Variants in HIP1 observed in about 807,000 individuals in gnomAD.
HIP1 encodes huntingtin interacting protein 1, also known as huntingtin-interacting protein 1.
In HIP1, 65 loss-of-function variants were observed where a neutral mutation model predicts 147.6. That is an observed-to-expected ratio of 0.44 (90% CI 0.36 to 0.54). The LOEUF is 0.54. HIP1 is among the 20% of genes least tolerant of loss of function. The probability of loss-of-function intolerance (pLI) is 0.00; values close to 1 mark genes in which losing one functional copy is unlikely to be tolerated. For missense variants in HIP1, 1,061 were observed against 1,299.6 expected (o/e 0.82, Z 2.82); for synonymous variants, 479 against 504.0 (o/e 0.95, Z 0.67).
At chr7:75,564,687 C>T (rs1795343975) in intron 9 of HIP1, among the ~76,000 whole-genome samples, 2 of 152,134 alleles carry the variant, frequency 1.3e-5, no homozygotes, top group African/African-American at 4.8e-5. Flanking sequence ...CTTGACCTCC[C>T]TGGGCCCAAG....
intron 2 of HIP1, among the ~76,000 whole-genome samples, chr7:75,594,265 C>CA (rs1210801359): frequency 1.3e-5 from 2 of 151,336 alleles, no homozygotes; most frequent in African/African-American, 4.9e-5. Flanking sequence ...GGGCAACGAG[C>CA]AAAACTCTGC....
intron 2 of HIP1, among the ~76,000 whole-genome samples, chr7:75,598,189 G>A (rs1178159557): frequency 6.6e-6 from 1 of 152,054 alleles, no homozygotes; most frequent in Non-Finnish European, 1.5e-5. Flanking sequence ...CTGAGGCCAG[G>A]CGTTCAAGGC....
intron 6 of HIP1, 149 bp downstream of exon 6, chr7:75,581,926 T>A (rs1796067741): frequency 1.6e-6 from 1 of 621,942 alleles, no homozygotes; most frequent in Non-Finnish European, 2.9e-6. Flanking sequence ...CACCAATAAA[T>A]AAGTAGCCCC....
At chr7:75,595,239 T>TTCCTTCCTTCCTTCCTTC (rs1796668107) in intron 2 of HIP1, among the ~76,000 whole-genome samples, 5 of 110,790 alleles carry the variant, frequency 4.5e-5, no homozygotes, top group African/African-American at 1.8e-4. Context: ...TTTCTTTCTT[T>TTCCTTCCTTCCTTCCTTC]CTTTCTTTCT....
chr7:75,552,375 G>C (rs1280898269), intron 22 of HIP1, among the ~76,000 whole-genome samples: 1 of 151,912 alleles, frequency 6.6e-6, no homozygotes, highest in African/African-American at 2.4e-5. Flanking sequence ...GCAGAGGCAG[G>C]GTCTCACTCT....
chr7:75,618,011 C>T (rs1186222), intron 1 of HIP1, among the ~76,000 whole-genome samples: 74,056 of 152,174 alleles, frequency 0.49, 18,793 homozygotes, highest in African/African-American at 0.62. Context: ...GGCCAGAGCT[C>T]CCGGGGGAAG....
chr7:75,638,010 A>ACG (rs1798501485), intron 1 of HIP1, among the ~76,000 whole-genome samples: 1 of 71,352 alleles, frequency 1.4e-5, no homozygotes, highest in Non-Finnish European at 2.4e-5. Flanking sequence ...ACACATACAC[A>ACG]CACACACACA....
chr7:75,713,000 A>T (rs1180177315), intron 1 of HIP1, among the ~76,000 whole-genome samples: 1 of 152,190 alleles, frequency 6.6e-6, no homozygotes, highest in Non-Finnish European at 1.5e-5. Context: ...TTGGTCACTT[A>T]CTTATTCATT....
In HIP1 at chr7:75,592,035, T is replaced by C. The variant is rs782511225; in HGVS notation, c.384+21A>G. On this transcript the variant is annotated intron_variant, in intron 4 of 30. Coordinates refer to ENST00000336926, the MANE Select transcript of HIP1 (RefSeq NM_005338.7). ...AAGGAAAGGAGAAGCAGGTGGCTCC[T>C]GAGTACATCTCCAAACTCACCCACA... is the stretch of plus-strand genomic sequence containing the variant. 13 of 1,606,820 alleles carry C rather than the reference T, an allele frequency of 8.1e-6. No homozygotes were observed. In the Admixed American group the frequency reaches 1.0e-4, roughly 12 times the overall value.
chr7:75,562,071 A>G lies in HIP1; in HGVS notation c.1118+2T>C. The G allele has an allele frequency of 6.3e-7, 1 of 1,592,706 alleles. No individual in the cohort carries two copies. Among genetic ancestry groups the G allele is most frequent in the Non-Finnish European group, 8.6e-7 (1 of 1,160,538 alleles). On this transcript the variant is annotated splice_donor_variant, in intron 12 of 30. Coordinates refer to ENST00000336926, the MANE Select transcript of HIP1 (RefSeq NM_005338.7). LOFTEE classifies it high-confidence loss of function. ...ATCTGCTTGAACCCAGCTTGGACTC[A>G]CTTCTCATCCTTGTTCACACCATTT...
At chr7:75,687,414 G>T (rs201102913) in intron 1 of HIP1, among the ~76,000 whole-genome samples, 2 of 152,180 alleles carry the variant, frequency 1.3e-5, no homozygotes, top group African/African-American at 2.4e-5. Flanking sequence ...CATCTGGGCC[G>T]GGCACGGTGG....
At chr7:75,633,341 G>A (rs986675455) in intron 1 of HIP1, among the ~76,000 whole-genome samples, 89 of 152,204 alleles carry the variant, frequency 5.8e-4, no homozygotes, top group African/African-American at 2.0e-3. Context: ...TGCCCAGGCT[G>A]GAGTGCAGTG....
At chr7:75,650,322 T>G (rs1407089405) in intron 1 of HIP1, among the ~76,000 whole-genome samples, 1 of 152,084 alleles carries the variant, frequency 6.6e-6, no homozygotes, top group Non-Finnish European at 1.5e-5. Context: ...CGCCAGCTCC[T>G]CCCTGTAAGT....
intron 1 of HIP1, among the ~76,000 whole-genome samples, chr7:75,613,954 G>A (rs1797536889): frequency 6.6e-6 from 1 of 151,636 alleles, no homozygotes; most frequent in Non-Finnish European, 1.5e-5. Context: ...TCCCTCTGTT[G>A]CCCAGGCTGG....
rs587695840 is a variant in HIP1 at position 75,547,092 on chromosome 7, C to T, written c.2466-60G>A. ...CAAGATCCAAGATCAATGAACACGACGGTTCTCTTCCCCACTCCTAGCCAA... is the reference window on the plus strand; with the variant it reads ...CAAGATCCAAGATCAATGAACACGATGGTTCTCTTCCCCACTCCTAGCCAA... On this transcript the variant is annotated intron_variant, in intron 24 of 30. Transcript: ENST00000336926. The T allele has an allele frequency of 6.1e-5, 83 of 1,354,454 alleles. No homozygotes were observed. In the East Asian group the frequency reaches 6.2e-4, roughly 10 times the overall value. 83.9% of individuals were successfully genotyped at this position (1,354,454 alleles called of 1,614,324 possible).
intron 1 of HIP1, among the ~76,000 whole-genome samples, chr7:75,716,553 T>C (rs1554520605): frequency 1.4e-5 from 2 of 147,556 alleles, no homozygotes; most frequent in Admixed American, 6.8e-5. Context: ...GGAGTCTCGC[T>C]CTGTCACCCA....
In HIP1 at chr7:75,533,304, G is replaced by C. The variant is rs1488069649; in HGVS notation, c.*4868C>G. 7 of 203,570 alleles carry C rather than the reference G, an allele frequency of 3.4e-5. No individual in the cohort carries two copies. Among genetic ancestry groups the C allele is most frequent in the South Asian group, 1.9e-4 (1 of 5,268 alleles). 12.6% of individuals were successfully genotyped at this position (203,570 alleles called of 1,614,324 possible). A position where few individuals can be genotyped will look rare whatever the true frequency, so the allele number is the denominator to read the frequency against. On this transcript the variant is annotated 3_prime_UTR_variant, in exon 31 of 31. Coordinates refer to ENST00000336926, the MANE Select transcript of HIP1 (RefSeq NM_005338.7). ...CAATCACCACCACGCTCCATTGCCA[G>C]GCGGAAATATTTATTTGAAAAATTG...
At chr7:75,567,202 G>C (rs1312494133) in intron 9 of HIP1, among the ~76,000 whole-genome samples, 1 of 149,882 alleles carries the variant, frequency 6.7e-6, no homozygotes, top group Non-Finnish European at 1.5e-5. Flanking sequence ...CTAAAGTACA[G>C]TTTGAGATTT....
rs1554491318 is a variant in HIP1, at chr7:75,547,827, G to T, written c.2407-14C>A. On this transcript the variant is annotated splice_polypyrimidine_tract_variant and intron_variant, in intron 23 of 30. Coordinates refer to ENST00000336926, the MANE Select transcript of HIP1 (RefSeq NM_005338.7). ...GCTGAGCATCTCCTGTGAAAAAGAA[G>T]CATGGTTTCTAAATGTGCCTTGAAT... 5.6e-6 allele frequency: 9 copies of T among 1,611,648 alleles called. No individual in the cohort carries two copies. Among genetic ancestry groups the T allele is most frequent in the Non-Finnish European group, 6.8e-6 (8 of 1,177,932 alleles).
Sources: gnomAD v4.1 joint callset for allele counts (sites outside exome capture counted in the v4.1 genomes callset) on GRCh38, gnomAD v4.1.1 for gene constraint, MANE v1.5 for transcripts, NCBI Gene and HGNC (gene_info 2026-07-23, HGNC 2026-07-21) for gene names.